Variants in MIER1 observed in about 807,000 individuals in gnomAD.
MIER1 encodes mesoderm induction early response protein 1.
In MIER1, 40 loss-of-function variants were observed where a neutral mutation model predicts 75.7. The ratio of observed to expected loss-of-function variants is 0.53; its 90% CI spans 0.41 to 0.69. The LOEUF is 0.69. Among genes scored for constraint, MIER1 ranks in the 30% least tolerant of loss-of-function variants. MIER1 has a pLI of 0.00. For synonymous variants in MIER1, 213 were observed against 223.4 expected, an observed-to-expected ratio of 0.95 and a Z score of 0.42; for missense variants, 574 against 680.2, an observed-to-expected ratio of 0.84 and a Z score of 1.74.
chr1:66,936,692 CT>C (rs1654928487), intron 2 of MIER1, among the ~76,000 whole-genome samples: 2 of 151,822 alleles, frequency 1.3e-5, no homozygotes, highest in Admixed American at 1.3e-4. Context: ...ATACTTTGAA[CT>C]GATGAAAATC....
intron 3 of MIER1, among the ~76,000 whole-genome samples, chr1:66,942,246 C>T (rs999985022): frequency 6.6e-6 from 1 of 152,184 alleles, no homozygotes; most frequent in Non-Finnish European, 1.5e-5. Context: ...TTTGTAGCAT[C>T]TGTACTTTGC....
intron 6 of MIER1, 118 bp downstream of exon 6, chr1:66,959,101 T>C (rs1660732067): frequency 4.8e-6 from 4 of 835,704 alleles, no homozygotes; most frequent in Non-Finnish European, 7.4e-6. Context: ...TTTTCAACAG[T>C]AAATGGATTT....
At chr1:66,980,216 T>C (rs529340788) in intron 12 of MIER1, among the ~76,000 whole-genome samples, 5 of 152,252 alleles carry the variant, frequency 3.3e-5, no homozygotes, top group Admixed American at 6.5e-5. Context: ...AAATTTGTTA[T>C]GTAATTTTTC....
intron 4 of MIER1, among the ~76,000 whole-genome samples, chr1:66,954,851 T>C (rs994782556): frequency 3.9e-5 from 6 of 152,062 alleles, no homozygotes; most frequent in Admixed American, 1.3e-4. Context: ...GGACTACAGG[T>C]GTGCACCACC....
chr1:66,976,590 T>TA lies in MIER1; in HGVS notation c.1102-4dup. On this transcript the variant is annotated splice_polypyrimidine_tract_variant and splice_region_variant and intron_variant, in intron 11 of 13. Transcript: ENST00000401041. Reference sequence around the variant, plus strand: ...TTCTTAAAAGCAAGCATTTGTTTCTTACAGGTCCGAACAAGGTCAGTTGGT... The same window carrying TA: ...TTCTTAAAAGCAAGCATTTGTTTCTTAACAGGTCCGAACAAGGTCAGTTGGT... 1 of 1,563,190 alleles carries TA rather than the reference T, an allele frequency of 6.4e-7. No individual in the cohort carries two copies. The highest frequency in any genetic ancestry group is 8.6e-7 in the Non-Finnish European group (1 of 1,157,326).
intron 3 of MIER1, 53 bp from the exon 4 acceptor site, chr1:66,946,097 A>G (rs950846377): frequency 6.6e-7 from 1 of 1,521,616 alleles, no homozygotes; most frequent in African/African-American, 1.4e-5. Context: ...CATTAATATT[A>G]ATAAGATCCA....
intron 12 of MIER1, among the ~76,000 whole-genome samples, chr1:66,980,823 T>C (rs546430642): frequency 8.8e-4 from 134 of 152,024 alleles, no homozygotes; most frequent in Non-Finnish European, 1.6e-3. Context: ...ACTTTTTCTG[T>C]AACAGGTAGA....
At chr1:66,949,081 A>G (rs1658327318) in intron 4 of MIER1, among the ~76,000 whole-genome samples, 1 of 152,040 alleles carries the variant, frequency 6.6e-6, no homozygotes, top group Non-Finnish European at 1.5e-5. Flanking sequence ...GAAGACAATT[A>G]TTTTCAGTTT....
chr1:66,940,159 G>A, intron 3 of MIER1, 107 bp downstream of exon 3: 1 of 748,970 alleles, frequency 1.3e-6, no homozygotes, highest in Non-Finnish European at 2.2e-6. Context: ...CTTTTCTTCT[G>A]AATGCTTCTT....
chr1:66,945,660 A>G lies in MIER1; in HGVS notation c.194-490A>G, dbSNP rs144966628. On this transcript the variant is annotated intron_variant, in intron 3 of 13. Transcript: ENST00000401041. ...GATGATTGCTTGAGCCTGGGAGTTC[A>G]AGACCAGCCAGGGCAACATAGCAAG... 1.2e-3 allele frequency among the ~76,000 whole-genome samples: 189 copies of G among 152,250 alleles called. 1 individual carries two copies. Among genetic ancestry groups the G allele is most frequent in the African/African-American group, 4.5e-3 (185 of 41,542 alleles).
At chr1:66,942,239 G>T (rs1475433513) in intron 3 of MIER1, among the ~76,000 whole-genome samples, 1 of 152,186 alleles carries the variant, frequency 6.6e-6, no homozygotes, top group Admixed American at 6.5e-5. Context: ...TATATCCTTT[G>T]TAGCATCTGT....
At chr1:66,955,860 A>C (rs1660024043) in intron 4 of MIER1, among the ~76,000 whole-genome samples, 2 of 152,100 alleles carry the variant, frequency 1.3e-5, no homozygotes, top group South Asian at 4.1e-4. Flanking sequence ...GCAGGATATG[A>C]GCTTAAGAAA....
chr1:66,950,273 T>A (rs1282895337), intron 4 of MIER1, among the ~76,000 whole-genome samples: 1 of 152,182 alleles, frequency 6.6e-6, no homozygotes, highest in East Asian at 1.9e-4. Context: ...CAAGCCCAGC[T>A]AATTTTTGTA....
intron 1 of MIER1, 53 bp downstream of exon 1, chr1:66,925,148 AG>A: frequency 6.5e-7 from 1 of 1,537,724 alleles, no homozygotes; most frequent in Non-Finnish European, 8.7e-7. Context: ...GTTTGGGATG[AG>A]GGGCTCCTGA....
At chr1:66,932,179 AT>A (rs61261287) in intron 2 of MIER1, among the ~76,000 whole-genome samples, 172 of 152,246 alleles carry the variant, frequency 1.1e-3, no homozygotes, top group African/African-American at 3.9e-3. Context: ...AAGGAAAAAA[AT>A]ATTTTGATTC....
At chr1:66,946,986 C>G (rs975834264) in intron 4 of MIER1, 5 of 985,120 alleles carry the variant, frequency 5.1e-6, no homozygotes, top group Non-Finnish European at 6.0e-6. Context: ...CAGTTTGGAC[C>G]TTCTTTTTTT....
intron 2 of MIER1, among the ~76,000 whole-genome samples, chr1:66,936,309 G>A (rs952796915): frequency 1.3e-5 from 2 of 151,750 alleles, no homozygotes; most frequent in Non-Finnish European, 2.9e-5. Context: ...TGCAACCTCC[G>A]CCTCCTGGGT....
intron 3 of MIER1, among the ~76,000 whole-genome samples, chr1:66,944,406 ATTTTACATAGTCTG>A (rs1393988059): frequency 6.0e-5 from 9 of 150,196 alleles, no homozygotes; most frequent in African/African-American, 2.2e-4. Flanking sequence ...ACTTGGGGAT[ATTTTACATAGTCTG>A]TAAAATATCC....
intron 2 of MIER1, among the ~76,000 whole-genome samples, chr1:66,928,247 TA>T (rs1223599455): frequency 6.6e-6 from 1 of 152,106 alleles, no homozygotes; most frequent in Non-Finnish European, 1.5e-5. Flanking sequence ...GTAAGATAGA[TA>T]CCCATTCAGA....
Sources: gnomAD v4.1 joint callset for allele counts (sites outside exome capture counted in the v4.1 genomes callset) on GRCh38, gnomAD v4.1.1 for gene constraint, MANE v1.5 for transcripts, NCBI Gene and HGNC (gene_info 2026-07-23, HGNC 2026-07-21) for gene names.